The following SLC39A12 variants were observed in gnomAD, a reference collection of about 807,000 sequenced individuals.
The protein encoded by SLC39A12 is solute carrier family 39 member 12, also known as zinc transporter ZIP12.
In SLC39A12, 63 loss-of-function variants were observed where a neutral mutation model predicts 71.1. The observed-to-expected ratio is 0.89, with a 90% CI of 0.72 to 1.09. The LOEUF (loss-of-function observed/expected upper bound fraction) is 1.09, where lower values mean the gene tolerates loss of function less well. Among genes scored for constraint, SLC39A12 ranks in the 50% least tolerant of loss-of-function variants. SLC39A12 has a pLI of 0.00. For missense variants in SLC39A12, 892 were observed against 812.6 expected (o/e 1.10, Z -1.19); for synonymous variants, 351 against 301.3 (o/e 1.16, Z -1.71).
intron 12 of SLC39A12, among the ~76,000 whole-genome samples, chr10:18,009,381 C>T (rs1836133869): frequency 1.3e-5 from 2 of 152,146 alleles, no homozygotes; most frequent in South Asian, 4.1e-4. Context: ...CAAAATAAAA[C>T]ATAGCCCAGG....
At chr10:17,956,667 C>T (rs185557966) in intron 2 of SLC39A12, among the ~76,000 whole-genome samples, 6 of 152,334 alleles carry the variant, frequency 3.9e-5, no homozygotes, top group Admixed American at 3.3e-4. Context: ...GTCCTTGATT[C>T]TGAGGATTTT....
intron 12 of SLC39A12, among the ~76,000 whole-genome samples, chr10:18,007,561 A>T (rs1351427323): frequency 3.9e-5 from 6 of 152,220 alleles, no homozygotes. Flanking sequence ...AGAAAGTAAA[A>T]GGATAAAAGA....
At chr10:18,036,786 A>ATTTTTTTTTTT (rs1407183255) in intron 12 of SLC39A12, among the ~76,000 whole-genome samples, 6 of 9,452 alleles carry the variant, frequency 6.3e-4, no homozygotes, top group Admixed American at 9.5e-4. Flanking sequence ...ATATATATAT[A>ATTTTTTTTTTT]TATATATATT....
At chr10:18,029,434 A>G (rs1836775067) in intron 12 of SLC39A12, among the ~76,000 whole-genome samples, 1 of 152,166 alleles carries the variant, frequency 6.6e-6, no homozygotes, top group South Asian at 2.1e-4. Context: ...CAACTTCTTG[A>G]CTAACAACTC....
intron 12 of SLC39A12, among the ~76,000 whole-genome samples, chr10:18,021,389 GATCA>G (rs1428413919): frequency 6.6e-6 from 1 of 151,688 alleles, no homozygotes; most frequent in African/African-American, 2.4e-5. Context: ...TGTCATTTTT[GATCA>G]ATCATTGTTG....
intron 2 of SLC39A12, among the ~76,000 whole-genome samples, chr10:17,958,376 A>G (rs561073597): frequency 6.6e-6 from 1 of 152,280 alleles, no homozygotes; most frequent in African/African-American, 2.4e-5. Context: ...ACTTGAAAGT[A>G]TAACATAAAC....
intron 2 of SLC39A12, among the ~76,000 whole-genome samples, chr10:17,955,481 C>T (rs1834516434): frequency 6.6e-6 from 1 of 152,188 alleles, no homozygotes; most frequent in Non-Finnish European, 1.5e-5. Context: ...CTCTGAATTT[C>T]ACAAACACGC....
rs773996533 is a variant in SLC39A12, at chr10:18,042,747, A to T, written c.1990A>T (p.Met664Leu). Residue 664 changes from methionine to leucine, a missense_variant, in exon 13 of 13, where the codon ATG (methionine) becomes TTG (leucine). Transcript: ENST00000377369. The stretch of plus-strand genomic sequence containing the variant: ...TGTTCAAACACAACGACCCTGGATG[A>T]TGTTTCTCCTGCAAAACTTTGGATT... ...THVQTQRPWM[M>L]FLLQNFGLIL... 5.6e-5 allele frequency: 91 copies of T among 1,612,822 alleles called. No individual in the cohort carries two copies. The highest frequency in any genetic ancestry group is 6.9e-5 in the Non-Finnish European group (81 of 1,179,590).
At chr10:18,000,996 A>T (rs1653463477) in intron 11 of SLC39A12, among the ~76,000 whole-genome samples, 171 bp downstream of exon 11, 1 of 152,234 alleles carries the variant, frequency 6.6e-6, no homozygotes, top group Admixed American at 6.5e-5. Context: ...TAACTCCTGT[A>T]CCTTGGAATA....
chr10:17,997,966 A>G (rs1835731907), intron 10 of SLC39A12, among the ~76,000 whole-genome samples: 1 of 152,182 alleles, frequency 6.6e-6, no homozygotes, highest in South Asian at 2.1e-4. Context: ...GAGTACATTA[A>G]ATTACCAGTG....
At position 17,953,259 on chromosome 10, in the gene SLC39A12, G is replaced by A; in HGVS notation, c.-18G>A. 6.2e-7 allele frequency: 1 copy of A among 1,611,846 alleles called. No homozygotes were observed. Among genetic ancestry groups the A allele is most frequent in the Non-Finnish European group, 8.5e-7 (1 of 1,178,626 alleles). On this transcript the variant is annotated 5_prime_UTR_variant, in exon 2 of 13. Coordinates refer to ENST00000377369, the MANE Select transcript of SLC39A12 (RefSeq NM_001145195.2). The stretch of plus-strand genomic sequence containing the variant: ...TCACCTCCATCCAAGACAGACTCAA[G>A]GTGGAGGAAGCGTGGAAATGTGCTT...
At position 17,981,389 on chromosome 10, in the gene SLC39A12, G is replaced by A. The variant is rs1764841870; in HGVS notation, c.1002G>A (p.Lys334=). 1.2e-6 allele frequency: 2 copies of A among 1,613,812 alleles called. No homozygotes were observed. Among genetic ancestry groups the A allele is most frequent in the South Asian group, 1.1e-5 (1 of 91,042 alleles). The part of the protein sequence containing the change: ...GLSLISKEDF[K]QMSPGIIQQL... ...CACTCATTTCTAAGGAGGACTTTAA[G>A]CAAATGAGTCCAGGGATCATCCAGC... The change falls in exon 6 of 13, where the codon AAG becomes AAA. Residue 334 remains lysine (K), a synonymous_variant. Coordinates refer to ENST00000377369, the MANE Select transcript of SLC39A12 (RefSeq NM_001145195.2).
At chr10:17,991,855 G>A (rs1013858686) in intron 8 of SLC39A12, among the ~76,000 whole-genome samples, 3 of 152,068 alleles carry the variant, frequency 2.0e-5, no homozygotes, top group Non-Finnish European at 2.9e-5. Flanking sequence ...TTGGGAGGCC[G>A]AGGCAGGCGG....
chr10:18,008,258 CG>C (rs887578884), intron 12 of SLC39A12, among the ~76,000 whole-genome samples: 1 of 152,118 alleles, frequency 6.6e-6, no homozygotes, highest in African/African-American at 2.4e-5. Context: ...GTCAGATCAG[CG>C]GGGGCATTAG....
chr10:18,002,637 G>T (rs1038833519), intron 11 of SLC39A12: 3 of 152,170 alleles, frequency 2.0e-5, no homozygotes, highest in African/African-American at 7.2e-5. Context: ...TGGAGGGAAG[G>T]CATGGAGAGA....
In SLC39A12 at chr10:18,003,372, C is replaced by CT. The variant is rs1835891102; in HGVS notation, c.1947+18dup. The CT allele has an allele frequency of 1.3e-6, 2 of 1,585,248 alleles. No homozygotes were observed. The highest frequency in any genetic ancestry group is 2.7e-5 in the African/African-American group (2 of 73,344). On this transcript the variant is annotated intron_variant, in intron 12 of 12. Coordinates refer to ENST00000377369, the MANE Select transcript of SLC39A12 (RefSeq NM_001145195.2). ...TTGGTTGAAATGGTAAGCTTGGTGG[C>CT]TTTTCTATTTGATTTTTCTAAGCAC...
intron 12 of SLC39A12, among the ~76,000 whole-genome samples, chr10:18,011,136 C>T (rs776487584): frequency 8.5e-5 from 13 of 152,060 alleles, no homozygotes; most frequent in Non-Finnish European, 1.8e-4. Context: ...GTCGCTCAGG[C>T]TGGAGTGCAG....
intron 2 of SLC39A12, among the ~76,000 whole-genome samples, chr10:17,958,140 A>T (rs1262805003): frequency 6.6e-6 from 1 of 152,170 alleles, no homozygotes; most frequent in East Asian, 1.9e-4. Context: ...CGTGCCTTGC[A>T]TTCCAATTCC....
intron 12 of SLC39A12, among the ~76,000 whole-genome samples, chr10:18,033,901 G>C (rs61842379): frequency 4.6e-5 from 7 of 151,268 alleles, no homozygotes; most frequent in African/African-American, 1.5e-4. Flanking sequence ...CCTTCATTTC[G>C]TTATGTACCC....
Sources: allele counts gnomAD v4.1 joint callset (sites outside exome capture counted in the v4.1 genomes callset), GRCh38; gene constraint gnomAD v4.1.1; transcripts MANE v1.5; gene names NCBI Gene and HGNC (gene_info 2026-07-23, HGNC 2026-07-21).